GNB4: variants seen among roughly 807,000 people sequenced by gnomAD.
GNB4 encodes the protein G protein subunit beta 4.
A neutral mutation model predicts 45.2 loss-of-function variants in GNB4; 28 were observed. That is an observed-to-expected ratio of 0.62 (90% CI 0.46 to 0.85). GNB4 has a LOEUF of 0.85. Ranked by LOEUF, GNB4 falls within the 40% of genes least tolerant of loss-of-function variation. The pLI, the probability that GNB4 is intolerant of heterozygous loss-of-function variation, is 0.00. For missense variants in GNB4, 321 were observed against 425.4 expected, an observed-to-expected ratio of 0.75 and a Z score of 2.16; for synonymous variants, 132 against 143.7, an observed-to-expected ratio of 0.92 and a Z score of 0.58.
the GNB4 span, among the ~76,000 whole-genome samples, chr3:179,488,050 CAA>C: frequency 5.6e-5 from 8 of 142,700 alleles, no homozygotes; most frequent in East Asian, 8.2e-4. Context: ...GACTCTGTCT[CAA>C]AAAAAAAAAA....
At position 179,400,943 on chromosome 3, in the gene GNB4, T is replaced by G. The variant is rs1374669692; in HGVS notation, c.*270A>C. On this transcript the variant is annotated 3_prime_UTR_variant, in exon 10 of 10. Coordinates refer to ENST00000232564, the MANE Select transcript of GNB4 (RefSeq NM_021629.4). ...TACATTCTGTTCTACACAAAGAAAA[T>G]ACACTCTGAGTACACACAACAATTC... 1 of 307,002 alleles carries G rather than the reference T, an allele frequency of 3.3e-6. No homozygotes were observed. Among genetic ancestry groups the G allele is most frequent in the Non-Finnish European group, 6.0e-6 (1 of 167,330 alleles). The allele number at this position is 307,002 out of a possible 1,614,324, so 19.0% of individuals were successfully genotyped here. A position where few individuals can be genotyped will look rare whatever the true frequency, so the allele number is the denominator to read the frequency against.
At chr3:179,455,713 A>G (rs192087153), upstream of GNB4, among the ~76,000 whole-genome samples, 151 of 152,364 alleles carry the variant, frequency 9.9e-4, no homozygotes, top group Middle Eastern at 3.4e-3. Flanking sequence ...CACCAAACTT[A>G]GTGGATTAGG....
At chr3:179,488,838 G>T in the GNB4 span, among the ~76,000 whole-genome samples, 2 of 150,270 alleles carry the variant, frequency 1.3e-5, no homozygotes, top group African/African-American at 2.5e-5. Context: ...CAAAACATTT[G>T]CCAGGCATGG....
chr3:179,482,292 GA>G, the GNB4 span, among the ~76,000 whole-genome samples: 1 of 152,168 alleles, frequency 6.6e-6, no homozygotes, highest in Non-Finnish European at 1.5e-5. Context: ...CAATGCCATA[GA>G]TCCTTAGAGA....
Position 179,401,188 on chromosome 3 carries a change from T to C in GNB4, c.*25A>G, listed in dbSNP as rs754295693. On this transcript the variant is annotated 3_prime_UTR_variant, in exon 10 of 10. Transcript: ENST00000232564. ...GCATTGATTTCTCCAGATATATCAATGGAGAACAAATATGTATGACACTGT... is the reference window on the plus strand; with the variant it reads ...GCATTGATTTCTCCAGATATATCAACGGAGAACAAATATGTATGACACTGT... 9 of 1,516,454 alleles carry C rather than the reference T, an allele frequency of 5.9e-6. No homozygotes were observed. The highest frequency in any genetic ancestry group is 1.4e-5 in the African/African-American group (1 of 72,664). The allele number at this position is 1,516,454 out of a possible 1,614,324, so 93.9% of individuals were successfully genotyped here. A position where few individuals can be genotyped will look rare whatever the true frequency, so the allele number is the denominator to read the frequency against.
At chr3:179,498,691 C>T in the GNB4 span, among the ~76,000 whole-genome samples, 3 of 150,786 alleles carry the variant, frequency 2.0e-5, no homozygotes, top group Non-Finnish European at 2.9e-5. Flanking sequence ...CCTTGGCCTC[C>T]CAAAATGCTG....
At chr3:179,462,037 G>A in the GNB4 span, among the ~76,000 whole-genome samples, 1 of 152,190 alleles carries the variant, frequency 6.6e-6, no homozygotes, top group Admixed American at 6.5e-5. Flanking sequence ...TGCTCACCTG[G>A]CATAGCCTTC....
the GNB4 span, among the ~76,000 whole-genome samples, chr3:179,484,323 T>C: frequency 6.6e-6 from 1 of 152,198 alleles, no homozygotes; most frequent in African/African-American, 2.4e-5. Flanking sequence ...CAGATAAAAA[T>C]TATTTGTATC....
At chr3:179,465,129 C>G in the GNB4 span, 6 of 1,323,936 alleles carry the variant, frequency 4.5e-6, no homozygotes, top group Non-Finnish European at 5.4e-6. Context: ...CTGATCACAG[C>G]AGATATGATC....
chr3:179,453,977 A>C (rs1056547693), upstream of GNB4, among the ~76,000 whole-genome samples: 1 of 152,232 alleles, frequency 6.6e-6, no homozygotes, highest in African/African-American at 2.4e-5. Context: ...TAAGTGATCC[A>C]GCAATTCATG....
chr3:179,433,892 T>C (rs375335869), intron 1 of GNB4, among the ~76,000 whole-genome samples: 1 of 152,140 alleles, frequency 6.6e-6, no homozygotes, highest in South Asian at 2.1e-4. Context: ...GAGGACCACA[T>C]ACAAATGAAA....
At chr3:179,507,278 T>C in the GNB4 span, among the ~76,000 whole-genome samples, 2 of 152,216 alleles carry the variant, frequency 1.3e-5, no homozygotes, top group African/African-American at 4.8e-5. Context: ...ATGTCCAGGC[T>C]GATCTTTTCA....
chr3:179,513,866 C>T, the GNB4 span, among the ~76,000 whole-genome samples: 1 of 151,916 alleles, frequency 6.6e-6, no homozygotes, highest in East Asian at 1.9e-4. Flanking sequence ...AAAATAAAAG[C>T]CCTCTGAAAT....
intron 1 of GNB4, among the ~76,000 whole-genome samples, chr3:179,432,336 C>T (rs1177867656): frequency 1.3e-5 from 2 of 152,006 alleles, no homozygotes; most frequent in Non-Finnish European, 2.9e-5. Flanking sequence ...ACTTTTCACT[C>T]TTTAAAAAAA....
the GNB4 span, among the ~76,000 whole-genome samples, chr3:179,518,816 C>T: frequency 0.7 from 105,876 of 152,086 alleles, 37,172 homozygotes; most frequent in East Asian, 0.96. Flanking sequence ...CTTTACAGCC[C>T]TAGACCCTGA....
chr3:179,407,672 G>T (rs934930318), intron 8 of GNB4, among the ~76,000 whole-genome samples: 26 of 152,168 alleles, frequency 1.7e-4, no homozygotes, highest in Non-Finnish European at 1.3e-4. Context: ...AGAGGACAAT[G>T]CTTGGCAAAG....
chr3:179,410,540 TCTC>T (rs1226991371), intron 8 of GNB4: 1 of 152,120 alleles, frequency 6.6e-6, no homozygotes, highest in Non-Finnish European at 1.5e-5. Context: ...ATGACTGTCT[TCTC>T]CTGTGTCTCT....
At chr3:179,448,614 A>C (rs1329006385) in intron 1 of GNB4, among the ~76,000 whole-genome samples, 1 of 152,176 alleles carries the variant, frequency 6.6e-6, no homozygotes, top group Non-Finnish European at 1.5e-5. Context: ...ACAGTTTCCA[A>C]AACTCAAAAC....
chr3:179,452,649 G>T (rs1343153354), upstream of GNB4, among the ~76,000 whole-genome samples: 1 of 152,034 alleles, frequency 6.6e-6, no homozygotes, highest in African/African-American at 2.4e-5. Context: ...TGACCGTTTT[G>T]TATAAAAGCC....
Sources: allele counts gnomAD v4.1 joint callset (sites outside exome capture counted in the v4.1 genomes callset), GRCh38; gene constraint gnomAD v4.1.1; transcripts MANE v1.5; gene names NCBI Gene and HGNC (gene_info 2026-07-23, HGNC 2026-07-21).